Variants in GALNT16 observed in about 807,000 individuals in gnomAD.
The protein encoded by GALNT16 is UDP-GalNAc:polypeptide N-acetylgalactosaminyltransferase-like protein 1.
A neutral mutation model predicts 76.1 loss-of-function variants in GALNT16; 40 were observed. The observed-to-expected ratio is 0.53, with a 90% confidence interval of 0.41 to 0.68. The LOEUF is 0.68. GALNT16 is among the 30% of genes least tolerant of loss of function. The pLI, the probability that GALNT16 is intolerant of heterozygous loss-of-function variation, is 0.00. For synonymous variants in GALNT16, 276 were observed against 285.2 expected, an observed-to-expected ratio of 0.97 and a Z score of 0.32; for missense variants, 621 against 731.9, an observed-to-expected ratio of 0.85 and a Z score of 1.75.
At chr14:69,264,190 T>C (rs2044311312) in intron 1 of GALNT16, among the ~76,000 whole-genome samples, 1 of 152,246 alleles carries the variant, frequency 6.6e-6, no homozygotes, top group Non-Finnish European at 1.5e-5. Context: ...AACAGTCTCC[T>C]ATTTAGAACT....
chr14:69,292,220 G>T (rs1371972839), intron 1 of GALNT16, among the ~76,000 whole-genome samples: 1 of 152,274 alleles, frequency 6.6e-6, no homozygotes, highest in Non-Finnish European at 1.5e-5. Flanking sequence ...GAAGTACTTT[G>T]TGCAAGGCCA....
chr14:69,334,749 G>GTCA (rs1331565186), intron 9 of GALNT16, among the ~76,000 whole-genome samples: 2 of 152,174 alleles, frequency 1.3e-5, no homozygotes, highest in Non-Finnish European at 2.9e-5. Context: ...CCCCCACCCC[G>GTCA]TCATCTCCTG....
chr14:69,335,052 C>G (rs1013561619), intron 9 of GALNT16, among the ~76,000 whole-genome samples: 1 of 152,210 alleles, frequency 6.6e-6, no homozygotes, highest in Non-Finnish European at 1.5e-5. Flanking sequence ...ATGCTGCCTT[C>G]TAGATTTCAG....
At chr14:69,260,525 C>A (rs2044250717) in intron 1 of GALNT16, 58 bp downstream of exon 1, 3 of 1,203,814 alleles carry the variant, frequency 2.5e-6, no homozygotes, top group Non-Finnish European at 2.1e-6. Context: ...GCGTCCAGAC[C>A]CTGCGCGGCG....
intron 5 of GALNT16, among the ~76,000 whole-genome samples, chr14:69,328,087 C>T (rs183307309): frequency 3.5e-4 from 54 of 152,234 alleles, no homozygotes; most frequent in African/African-American, 1.2e-3. Flanking sequence ...ATGGAGGGGA[C>T]GACCCAGAGG....
chr14:69,324,763 G>A lies in GALNT16; in HGVS notation c.407G>A (p.Arg136His), dbSNP rs767361760. Residue 136 changes from arginine (R) to histidine (H), a missense_variant, in exon 3 of 15, where the codon CGT becomes CAT. Transcript: ENST00000448469. Reference protein sequence around the residue: ...SVIITFHNEARSTLLRTVKSV... With the variant: ...SVIITFHNEAHSTLLRTVKSV... ...ATCATCACCTTCCACAATGAGGCCC[G>A]TTCCACCCTGCTGCGCACAGTGAAG... 18 of 1,612,018 alleles carry A rather than the reference G, an allele frequency of 1.1e-5. No homozygotes were observed. The highest frequency in any genetic ancestry group is 5.0e-5 in the Admixed American group (3 of 59,832).
chr14:69,294,886 A>C (rs1221266165), intron 1 of GALNT16, among the ~76,000 whole-genome samples: 1 of 152,144 alleles, frequency 6.6e-6, no homozygotes, highest in Non-Finnish European at 1.5e-5. Context: ...GCTGGCTCAC[A>C]TGATATTTTT....
chr14:69,385,616 GTTCT>G, the GALNT16 span, among the ~76,000 whole-genome samples: 1 of 138,182 alleles, frequency 7.2e-6, no homozygotes, highest in African/African-American at 2.7e-5. Context: ...CCATTTTTCT[GTTCT>G]TTCAAGCAAA....
chr14:69,316,240 T>TGGCCAAGGGTGCAGGGATGGTG (rs1430078296), intron 1 of GALNT16, among the ~76,000 whole-genome samples: 1 of 152,164 alleles, frequency 6.6e-6, no homozygotes, highest in Non-Finnish European at 1.5e-5. Flanking sequence ...GTATTGTATT[T>TGGCCAAGGGTGCAGGGATGGTG]GGCCAAGGGT....
chr14:69,376,910 G>A, the GALNT16 span, among the ~76,000 whole-genome samples: 1 of 152,194 alleles, frequency 6.6e-6, no homozygotes, highest in African/African-American at 2.4e-5. Context: ...TATTACAAGA[G>A]TTAGTGGCTC....
chr14:69,331,224 T>A (rs1594856996), intron 6 of GALNT16, among the ~76,000 whole-genome samples: 1 of 152,048 alleles, frequency 6.6e-6, no homozygotes, highest in African/African-American at 2.4e-5. Flanking sequence ...CTCAAAATAA[T>A]GTGTGAGGAA....
At chr14:69,274,550 C>T (rs2044447118) in intron 1 of GALNT16, among the ~76,000 whole-genome samples, 1 of 152,116 alleles carries the variant, frequency 6.6e-6, no homozygotes, top group African/African-American at 2.4e-5. Flanking sequence ...CTCAGTTCTC[C>T]ACGTGGGTCT....
intron 1 of GALNT16, among the ~76,000 whole-genome samples, chr14:69,264,761 G>A (rs2044318204): frequency 7.0e-6 from 1 of 143,702 alleles, no homozygotes; most frequent in South Asian, 2.3e-4. Context: ...TTGTCAAAAT[G>A]TTCAGATTTT....
At chr14:69,350,674 A>C (rs1461722388) in intron 14 of GALNT16, 1 of 152,264 alleles carries the variant, frequency 6.6e-6, no homozygotes, top group Non-Finnish European at 1.5e-5. Flanking sequence ...CTATCCCTGC[A>C]GCTGGGTGGG....
At position 69,312,055 on chromosome 14, in the gene GALNT16, ATCT is replaced by A. The variant is rs1323472013; in HGVS notation, c.178-8655_178-8653del. ...CCTGTTTCTAAAAAAAAAAAAAAAA[ATCT>A]GTCTATCTATCTATCTATCTATCTA... On this transcript the variant is annotated intron_variant, in intron 1 of 14. Coordinates refer to ENST00000448469, the MANE Select transcript of GALNT16 (RefSeq NM_001168368.2). 7.9e-4 allele frequency among the ~76,000 whole-genome samples: 71 copies of A among 90,152 alleles called. 1 individual carries two copies. The highest frequency in any genetic ancestry group is 4.3e-3 in the Middle Eastern group (1 of 234). 59.1% of individuals were successfully genotyped at this position (90,152 alleles called of 152,430 possible). A position where few individuals can be genotyped will look rare whatever the true frequency, so the allele number is the denominator to read the frequency against.
At chr14:69,345,375 C>G (rs544710249) in intron 12 of GALNT16, among the ~76,000 whole-genome samples, 1 of 152,114 alleles carries the variant, frequency 6.6e-6, no homozygotes, top group Non-Finnish European at 1.5e-5. Context: ...TCTCTCTGAG[C>G]CTCCTGTGAG....
At chr14:69,260,860 C>A (rs1035624715) in intron 1 of GALNT16, among the ~76,000 whole-genome samples, 14 of 151,872 alleles carry the variant, frequency 9.2e-5, no homozygotes, top group African/African-American at 3.1e-4. Context: ...GGGAACCACT[C>A]GCAGCCGAGC....
In GALNT16 at chr14:69,325,269, C is replaced by T. The variant is rs552540869; in HGVS notation, c.435-68C>T. The T allele has an allele frequency of 1.2e-4, 115 of 995,860 alleles. 1 individual carries two copies. Among genetic ancestry groups the T allele is most frequent in the South Asian group, 9.0e-4 (71 of 78,662 alleles). The allele number at this position is 995,860 out of a possible 1,614,324, so 61.7% of individuals were successfully genotyped here. On this transcript the variant is annotated intron_variant, in intron 3 of 14. Transcript: ENST00000448469. ...GGGCGGCTGGGGAGTCCCACGGCCC[C>T]GGGAGTGGTAAAAATGGGAGGTGGT...
At chr14:69,364,081 A>T in the GALNT16 span, among the ~76,000 whole-genome samples, 1 of 152,318 alleles carries the variant, frequency 6.6e-6, no homozygotes, top group Middle Eastern at 3.4e-3. The surrounding 1 kb of genome is among the most constrained non-coding windows in gnomAD (Gnocchi z 4.2). Flanking sequence ...TGTCTATTGC[A>T]CCTAGTATAG....
Sources: gnomAD v4.1 joint callset for allele counts (sites outside exome capture counted in the v4.1 genomes callset) on GRCh38, gnomAD v4.1.1 for gene constraint, Gnocchi (gnomAD v3.1) non-coding constraint, MANE v1.5 for transcripts, NCBI Gene and HGNC (gene_info 2026-07-23, HGNC 2026-07-21) for gene names.